The following LAPTM4B variants were observed in gnomAD, a reference collection of about 807,000 sequenced individuals.
LAPTM4B encodes lysosomal-associated transmembrane protein 4B.
LAPTM4B carries 26 observed loss-of-function variants against 28.5 expected under a neutral mutation model. That is an observed-to-expected ratio of 0.91 (90% CI 0.67 to 1.27). LAPTM4B has a LOEUF of 1.27. Among genes scored for constraint, LAPTM4B ranks in the 50% most tolerant of loss-of-function variants. The pLI is 0.00. For missense variants in LAPTM4B, 288 were observed against 285.8 expected, an observed-to-expected ratio of 1.01 and a Z score of -0.06; for synonymous variants, 109 against 106.4, an observed-to-expected ratio of 1.02 and a Z score of -0.15.
intron 6 of LAPTM4B, among the ~76,000 whole-genome samples, chr8:97,826,915 A>G (rs1224945134): frequency 1.3e-5 from 2 of 152,260 alleles, no homozygotes; most frequent in Non-Finnish European, 2.9e-5. Context: ...GTTCTACTGA[A>G]CTAATGAAAA....
intron 2 of LAPTM4B, among the ~76,000 whole-genome samples, chr8:97,806,658 T>C (rs1795570772): frequency 6.6e-6 from 1 of 152,076 alleles, no homozygotes. Flanking sequence ...GGTAATTGAA[T>C]TGTGGGAGCT....
At chr8:97,789,176 C>T (rs1325696745) in intron 1 of LAPTM4B, among the ~76,000 whole-genome samples, 2 of 150,386 alleles carry the variant, frequency 1.3e-5, no homozygotes, top group African/African-American at 2.4e-5. Context: ...CAGGTTCAAG[C>T]GATTGTCCTG....
intron 1 of LAPTM4B, among the ~76,000 whole-genome samples, chr8:97,782,962 G>T (rs944543009): frequency 7.4e-6 from 1 of 135,362 alleles, no homozygotes; most frequent in Non-Finnish European, 1.6e-5. Context: ...TAGTAGAGAC[G>T]GGGTTTCTCC....
chr8:97,783,072 C>CTTTT (rs10605324), intron 1 of LAPTM4B, among the ~76,000 whole-genome samples: 35 of 127,748 alleles, frequency 2.7e-4, no homozygotes, highest in African/African-American at 1.0e-3. Context: ...CGCGCCCGGC[C>CTTTT]TTTTTTTTTT....
At chr8:97,842,267 A>G (rs1481615400) in intron 6 of LAPTM4B, among the ~76,000 whole-genome samples, 1 of 151,996 alleles carries the variant, frequency 6.6e-6, no homozygotes, top group Non-Finnish European at 1.5e-5. Context: ...ATGAAATGAC[A>G]TTTAAAAACT....
At chr8:97,799,893 C>G (rs1158577706) in intron 1 of LAPTM4B, among the ~76,000 whole-genome samples, 2 of 152,178 alleles carry the variant, frequency 1.3e-5, no homozygotes, top group Non-Finnish European at 2.9e-5. Flanking sequence ...ATGTCCTTGT[C>G]TCAGTGGCAT....
In LAPTM4B at chr8:97,819,165, A is replaced by T; in HGVS notation, c.434A>T (p.Asp145Val). The stretch of plus-strand genomic sequence containing the variant: ...CCTCCTAATTTTCCCTACAGAGATG[A>T]TGTCATGTCAGTGAATCCTACCTGT... ...QLPPNFPYRDDVMSVNPTCLV... is the reference protein window; with the variant it reads ...QLPPNFPYRDVVMSVNPTCLV... Residue 145 changes from aspartate to valine, a missense_variant, in exon 5 of 7, where the codon GAT (aspartate) becomes GTT (valine). Transcript: ENST00000521545. The T allele has an allele frequency of 6.2e-7, 1 of 1,608,628 alleles. No individual in the cohort carries two copies. Among genetic ancestry groups the T allele is most frequent in the Non-Finnish European group, 8.5e-7 (1 of 1,177,112 alleles).
intron 1 of LAPTM4B, among the ~76,000 whole-genome samples, chr8:97,797,329 C>G (rs1383252824): frequency 6.6e-6 from 1 of 151,976 alleles, no homozygotes; most frequent in Non-Finnish European, 1.5e-5. Context: ...GAAGAGGTTT[C>G]TCCATGTTGG....
At chr8:97,791,327 G>T (rs1226432162) in intron 1 of LAPTM4B, among the ~76,000 whole-genome samples, 1 of 152,216 alleles carries the variant, frequency 6.6e-6, no homozygotes, top group Non-Finnish European at 1.5e-5. Flanking sequence ...AGGGAGCACA[G>T]TCATTTTCTG....
At chr8:97,792,928 A>G (rs1563603653) in intron 1 of LAPTM4B, among the ~76,000 whole-genome samples, 1 of 152,164 alleles carries the variant, frequency 6.6e-6, no homozygotes, top group Non-Finnish European at 1.5e-5. Flanking sequence ...TTTGTGCTAT[A>G]ATTTTTCTCT....
intron 5 of LAPTM4B, among the ~76,000 whole-genome samples, chr8:97,823,352 T>G (rs1213211430): frequency 7.4e-5 from 2 of 27,070 alleles, no homozygotes; most frequent in Non-Finnish European, 1.6e-4. Context: ...TGGTTTTTTT[T>G]TTTGTTTTTT....
Position 97,816,061 on chromosome 8 carries a change from C to T in LAPTM4B, c.289C>T (p.Arg97Cys), listed in dbSNP as rs1004267738. ...AMATYGAYKQ[R>C]AAWIIPFFCY... ...TTCTATTTTCTGTTCTGTTTAGCAACGCGCAGCCTGGATCATCCCATTCTT... is the reference window on the plus strand; with the variant it reads ...TTCTATTTTCTGTTCTGTTTAGCAATGCGCAGCCTGGATCATCCCATTCTT... The change falls in exon 4 of 7, where the codon CGC (arginine) becomes TGC (cysteine). Residue 97 changes from arginine (R) to cysteine (C), a missense_variant. Coordinates refer to ENST00000521545, the MANE Select transcript of LAPTM4B (RefSeq NM_018407.6). The T allele has an allele frequency of 2.6e-5, 41 of 1,607,726 alleles. 1 individual carries two copies. The highest frequency in any genetic ancestry group is 1.1e-4 in the South Asian group (10 of 89,328).
chr8:97,821,732 G>A (rs971828831), intron 5 of LAPTM4B, among the ~76,000 whole-genome samples: 4 of 152,088 alleles, frequency 2.6e-5, no homozygotes, highest in Non-Finnish European at 5.9e-5. Flanking sequence ...TATTCCACAG[G>A]CTACAAGGGG....
At chr8:97,815,298 T>C (rs1408325317) in intron 2 of LAPTM4B, 30 bp from the exon 3 acceptor site, 1 of 1,574,948 alleles carries the variant, frequency 6.3e-7, no homozygotes, top group Non-Finnish European at 8.7e-7. Flanking sequence ...ATTGTCTTTT[T>C]TAAAGAAATT....
intron 1 of LAPTM4B, among the ~76,000 whole-genome samples, chr8:97,782,382 G>A (rs1008579368): frequency 5.1e-5 from 7 of 137,380 alleles, no homozygotes; most frequent in African/African-American, 1.7e-4. Context: ...AAGCAGCCTT[G>A]CCATTTCAGC....
In LAPTM4B at chr8:97,825,610, T is replaced by A. The variant is rs569613749; in HGVS notation, c.603+457T>A. ...CTTTGTAATTTATCTTATGTATGTATTCTTAGTAAAATAATTTAGATGATC... is the reference window on the plus strand; with the variant it reads ...CTTTGTAATTTATCTTATGTATGTAATCTTAGTAAAATAATTTAGATGATC... On this transcript the variant is annotated intron_variant, in intron 6 of 6. Coordinates refer to ENST00000521545, the MANE Select transcript of LAPTM4B (RefSeq NM_018407.6). Among the ~76,000 whole-genome samples, 4 of 152,370 alleles carry A rather than the reference T, an allele frequency of 2.6e-5. No individual in the cohort carries two copies. In the South Asian group the frequency reaches 8.3e-4, roughly 32 times the overall value.
intron 1 of LAPTM4B, among the ~76,000 whole-genome samples, chr8:97,798,651 C>T (rs1816627291): frequency 1.3e-5 from 2 of 151,926 alleles, no homozygotes; most frequent in Admixed American, 6.6e-5. Context: ...ACCCAGGACC[C>T]ACTCTGGAGT....
In LAPTM4B at chr8:97,851,636, A is replaced by G. The variant is rs1040270056; in HGVS notation, c.*162A>G. ...TAGATTGAAAACTGTAGTTTTCAACATATGCTTTGCTGGAACACTGTGATA... is the reference window on the plus strand; with the variant it reads ...TAGATTGAAAACTGTAGTTTTCAACGTATGCTTTGCTGGAACACTGTGATA... On this transcript the variant is annotated 3_prime_UTR_variant, in exon 7 of 7. Transcript: ENST00000521545. 1.6e-6 allele frequency: 1 copy of G among 632,646 alleles called. No individual in the cohort carries two copies. 39.2% of individuals were successfully genotyped at this position (632,646 alleles called of 1,614,324 possible).
Position 97,781,132 on chromosome 8 carries a change from G to A in LAPTM4B, c.99+5024G>A, listed in dbSNP as rs7003873. 6.6e-3 allele frequency among the ~76,000 whole-genome samples: 995 copies of A among 151,660 alleles called. 10 individuals are homozygous for A. Among genetic ancestry groups the A allele is most frequent in the Non-Finnish European group, 0.011 (751 of 67,886 alleles). On this transcript the variant is annotated intron_variant, in intron 1 of 6. Coordinates refer to ENST00000521545, the MANE Select transcript of LAPTM4B (RefSeq NM_018407.6). ...GCCTCCTGAGTAGCTGGGATTACAG[G>A]TGAGCTCCGGGCTAATTTTTGTATT... is the stretch of plus-strand genomic sequence containing the variant.
Sources: allele counts gnomAD v4.1 joint callset (sites outside exome capture counted in the v4.1 genomes callset), GRCh38; gene constraint gnomAD v4.1.1; transcripts MANE v1.5; gene names NCBI Gene and HGNC (gene_info 2026-07-23, HGNC 2026-07-21).